The following DDX46 variants were observed in gnomAD, a reference collection of about 807,000 sequenced individuals.
DDX46 encodes the protein DEAD-box helicase 46, also known as probable ATP-dependent RNA helicase DDX46.
Under a neutral mutation model 134.9 loss-of-function variants are expected in DDX46, and 30 were observed. The observed-to-expected ratio is 0.22, with a 90% CI of 0.17 to 0.30. The LOEUF is 0.30. Ranked by LOEUF, DDX46 falls within the 10% of genes least tolerant of loss-of-function variation. DDX46 has a pLI of 1.00. For synonymous variants in DDX46, 415 were observed against 404.1 expected, an observed-to-expected ratio of 1.03 and a Z score of -0.32; for missense variants, 622 against 1,248.7, an observed-to-expected ratio of 0.50 and a Z score of 7.56.
chr5:134,797,183 A>AAAAAAAAC (rs1754686156), intron 15 of DDX46: 3 of 289,842 alleles, frequency 1.0e-5, no homozygotes, highest in South Asian at 1.0e-4. Context: ...AAAAAAAAAA[A>AAAAAAAAC]AAAAAAAAAA....
At chr5:134,782,416 C>G (rs1406944918) in intron 8 of DDX46, among the ~76,000 whole-genome samples, 1 of 151,848 alleles carries the variant, frequency 6.6e-6, no homozygotes, top group African/African-American at 2.4e-5. Flanking sequence ...CCAAGGCGGG[C>G]AGATCACAAG....
At chr5:134,815,167 T>C (rs888824076) in intron 18 of DDX46, among the ~76,000 whole-genome samples, 7 of 152,232 alleles carry the variant, frequency 4.6e-5, no homozygotes, top group Non-Finnish European at 1.0e-4. Flanking sequence ...GAGGAACCCT[T>C]GAGCCTGGGA....
At chr5:134,801,777 A>G (rs573539031) in intron 15 of DDX46, among the ~76,000 whole-genome samples, 1 of 152,256 alleles carries the variant, frequency 6.6e-6, no homozygotes, top group African/African-American at 2.4e-5. Context: ...TCATCTGTTT[A>G]AGGACATTTT....
intron 5 of DDX46, among the ~76,000 whole-genome samples, chr5:134,776,217 C>T (rs1241706614): frequency 1.3e-5 from 2 of 151,730 alleles, no homozygotes; most frequent in Admixed American, 1.3e-4. Context: ...TGGTGAAACT[C>T]CGTCTCTACT....
chr5:134,776,616 G>A (rs1018395693), intron 5 of DDX46, among the ~76,000 whole-genome samples: 10 of 152,088 alleles, frequency 6.6e-5, no homozygotes, highest in African/African-American at 2.4e-4. Flanking sequence ...GGGATCAACT[G>A]TAATTGAAAA....
At chr5:134,790,119 A>T in intron 12 of DDX46, 1 of 475,722 alleles carries the variant, frequency 2.1e-6, no homozygotes, top group Non-Finnish European at 4.2e-6. Context: ...ATGCTGTCAG[A>T]TAATGGCTGA....
intron 21 of DDX46, among the ~76,000 whole-genome samples, chr5:134,819,254 A>G (rs1755374540): frequency 6.6e-6 from 1 of 152,192 alleles, no homozygotes; most frequent in Admixed American, 6.6e-5. Flanking sequence ...GAAAACTTAC[A>G]TTTTAAGGAC....
chr5:134,794,189 C>G (rs1435304917), intron 13 of DDX46, among the ~76,000 whole-genome samples: 1 of 152,130 alleles, frequency 6.6e-6, no homozygotes, highest in Non-Finnish European at 1.5e-5. Flanking sequence ...CTTGATGACC[C>G]TGGCTCTTGC....
chr5:134,789,402 T>G (rs1754437699), intron 12 of DDX46: 1 of 152,218 alleles, frequency 6.6e-6, no homozygotes, highest in South Asian at 2.1e-4. Flanking sequence ...AGGTTTCCAT[T>G]GCAATATTTA....
chr5:134,802,016 C>G (rs907609404), intron 15 of DDX46, among the ~76,000 whole-genome samples: 6 of 151,912 alleles, frequency 3.9e-5, no homozygotes, highest in Non-Finnish European at 7.4e-5. Context: ...GGAAATTCTT[C>G]GTTATTTCTT....
intron 13 of DDX46, 47 bp downstream of exon 13, chr5:134,790,599 G>C (rs1431515443): frequency 5.4e-6 from 8 of 1,493,654 alleles, no homozygotes; most frequent in Non-Finnish European, 7.4e-6. Flanking sequence ...ATATAACTTT[G>C]TAGTTGCCAT....
intron 15 of DDX46, among the ~76,000 whole-genome samples, chr5:134,797,848 T>G (rs549332386): frequency 1.3e-5 from 2 of 152,316 alleles, no homozygotes; most frequent in East Asian, 3.9e-4. Context: ...GTTTTGCTCT[T>G]GTTGCCCAGG....
chr5:134,811,632 A>T, intron 17 of DDX46, 64 bp from the exon 18 acceptor site: 1 of 1,489,452 alleles, frequency 6.7e-7, no homozygotes. Context: ...ATATTTAATT[A>T]GTATGAATTC....
chr5:134,780,357 G>A (rs1754107461), intron 6 of DDX46, among the ~76,000 whole-genome samples: 1 of 150,680 alleles, frequency 6.6e-6, no homozygotes, highest in African/African-American at 2.4e-5. Context: ...CCTGAGGTAA[G>A]GAGTTCGAGA....
intron 15 of DDX46, chr5:134,797,092 G>A (rs921478500): frequency 1.9e-5 from 4 of 214,192 alleles, no homozygotes; most frequent in South Asian, 5.8e-5. Context: ...GGAGGTTGCC[G>A]GGAGGCAGAA....
intron 6 of DDX46, among the ~76,000 whole-genome samples, chr5:134,780,048 A>T (rs2150139300): frequency 1.3e-5 from 2 of 151,270 alleles, no homozygotes; most frequent in East Asian, 3.9e-4. Context: ...AGATCACACC[A>T]CTGTACTCTA....
chr5:134,821,544 T>C (rs25784), intron 21 of DDX46, among the ~76,000 whole-genome samples: 3,901 of 151,044 alleles, frequency 0.026, 97 homozygotes, highest in African/African-American at 0.066. Flanking sequence ...TTGTTTTTTT[T>C]TTTTTTTGAG....
In DDX46 at chr5:134,817,302, C is replaced by G. The variant is rs1213984420; in HGVS notation, c.2614-194C>G. On this transcript the variant is annotated intron_variant, in intron 19 of 22. Transcript: ENST00000452510. ...GAATGTTCTCCAGTTTTCTTATCCA[C>G]TAGGAGGTACATTAAACTACATTAT... The G allele has an allele frequency of 1.1e-5, 6 of 547,794 alleles. No homozygotes were observed. The African/African-American group carries it at 1.2e-4, about 11-fold the overall frequency. The allele number at this position is 547,794 out of a possible 1,614,324, so 33.9% of individuals were successfully genotyped here. A position where few individuals can be genotyped will look rare whatever the true frequency, so the allele number is the denominator to read the frequency against.
rs989931525 is a variant in DDX46 at position 134,807,616 on chromosome 5, T to C, written c.1955-132T>C. The C allele has an allele frequency of 1.3e-5, 10 of 764,306 alleles. No individual in the cohort carries two copies. The African/African-American group carries it at 1.8e-4, about 13-fold the overall frequency. 47.3% of individuals were successfully genotyped at this position (764,306 alleles called of 1,614,324 possible). On this transcript the variant is annotated intron_variant, in intron 15 of 22. Transcript: ENST00000452510. ...AACCTTTAATCTTGCCATTACATTTTCTTAGTCTTTTATTTTCTATATTTT... is the reference window on the plus strand; with the variant it reads ...AACCTTTAATCTTGCCATTACATTTCCTTAGTCTTTTATTTTCTATATTTT...
Sources: allele counts gnomAD v4.1 joint callset (sites outside exome capture counted in the v4.1 genomes callset), GRCh38; gene constraint gnomAD v4.1.1; transcripts MANE v1.5; gene names NCBI Gene and HGNC (gene_info 2026-07-23, HGNC 2026-07-21).